The following CHLSN variants were observed in gnomAD, a reference collection of about 807,000 sequenced individuals.
CHLSN encodes the protein protein cholesin.
the CHLSN span, among the ~76,000 whole-genome samples, chr7:1,027,185 A>G: frequency 6.6e-6 from 1 of 152,278 alleles, no homozygotes; most frequent in Non-Finnish European, 1.5e-5. Context: ...CTGGGAACTA[A>G]GTACGGGTTA....
At chr7:1,052,950 T>C in the CHLSN span, among the ~76,000 whole-genome samples, 2 of 152,182 alleles carry the variant, frequency 1.3e-5, no homozygotes, top group Non-Finnish European at 2.9e-5. The surrounding 1 kb of genome is among the most constrained non-coding windows in gnomAD (Gnocchi z 4.2). Flanking sequence ...AAGAGGCTCA[T>C]CTGGGCTTTC....
chr7:997,875 C>CTT, the CHLSN span: 2 of 1,424,842 alleles, frequency 1.4e-6, no homozygotes, highest in Non-Finnish European at 1.9e-6. Flanking sequence ...GGAGACAAGA[C>CTT]GCTGCAGCCA....
At chr7:1,020,850 C>T in the CHLSN span, among the ~76,000 whole-genome samples, 23,881 of 152,176 alleles carry the variant, frequency 0.16, 2,047 homozygotes, top group Admixed American at 0.22. Flanking sequence ...CAGGACCCCT[C>T]GACTTTCTTG....
At chr7:1,101,680 G>A in the CHLSN span, among the ~76,000 whole-genome samples, 1 of 152,220 alleles carries the variant, frequency 6.6e-6, no homozygotes, top group Non-Finnish European at 1.5e-5. Context: ...CCCACGGCGT[G>A]CCTCCTGAGA....
the CHLSN span, chr7:1,028,754 C>A: frequency 3.8e-6 from 3 of 783,192 alleles, no homozygotes; most frequent in Non-Finnish European, 4.6e-6. Flanking sequence ...CTCCCCCAGT[C>A]TGTCCCCATC....
the CHLSN span, chr7:1,023,076 G>A: frequency 9.3e-6 from 4 of 428,070 alleles, no homozygotes; most frequent in Middle Eastern, 6.2e-4. This position sits in a 1 kb window ranked among gnomAD's most constrained non-coding sequence, Gnocchi z 5.0. Context: ...AGCATGGGAC[G>A]CTTCCTGCCA....
the CHLSN span, among the ~76,000 whole-genome samples, chr7:984,115 G>T: frequency 6.6e-6 from 1 of 152,224 alleles, no homozygotes; most frequent in Non-Finnish European, 1.5e-5. Context: ...CAGACAGCCA[G>T]CCCCCGACCT....
the CHLSN span, chr7:1,028,417 G>C: frequency 2.0e-6 from 2 of 985,982 alleles, no homozygotes; most frequent in East Asian, 1.1e-4. Flanking sequence ...CAGCCGGCTG[G>C]ACCGTGACGC....
chr7:1,018,300 C>T, the CHLSN span, among the ~76,000 whole-genome samples: 2 of 152,076 alleles, frequency 1.3e-5, no homozygotes, highest in East Asian at 1.9e-4. Flanking sequence ...AAGTGACTAA[C>T]GAAAGCACGT....
At chr7:1,103,027 G>A in the CHLSN span, among the ~76,000 whole-genome samples, 15 of 152,196 alleles carry the variant, frequency 9.9e-5, no homozygotes, top group Non-Finnish European at 1.2e-4. Context: ...CCCGTGACAC[G>A]GAGCCCACCA....
chr7:1,005,378 G>T, the CHLSN span, among the ~76,000 whole-genome samples: 4 of 152,248 alleles, frequency 2.6e-5, no homozygotes, highest in Non-Finnish European at 4.4e-5. Context: ...TATTGAGACA[G>T]CATCTGAAGC....
chr7:1,091,341 A>T, the CHLSN span: 19 of 181,674 alleles, frequency 1.0e-4, no homozygotes, highest in African/African-American at 4.0e-4. Flanking sequence ...CGGCCAGGGG[A>T]GCCAGGCCTT....
the CHLSN span, among the ~76,000 whole-genome samples, chr7:1,076,568 T>C: frequency 6.6e-6 from 1 of 152,224 alleles, no homozygotes; most frequent in Non-Finnish European, 1.5e-5. Flanking sequence ...GCAAGCGTCA[T>C]GCACAGGGCA....
the CHLSN span, chr7:988,333 G>A: frequency 6.8e-6 from 11 of 1,612,004 alleles, no homozygotes; most frequent in Non-Finnish European, 9.3e-6. Flanking sequence ...CACAGTGGCA[G>A]ACCCCAGGCC....
At chr7:1,096,776 G>A in the CHLSN span, among the ~76,000 whole-genome samples, 1 of 152,324 alleles carries the variant, frequency 6.6e-6, no homozygotes, top group South Asian at 2.1e-4. This position sits in a 1 kb window ranked among gnomAD's most constrained non-coding sequence, Gnocchi z 4.6. Flanking sequence ...AGAGTGACAC[G>A]GCTTACCCGC....
chr7:1,111,631 C>A, the CHLSN span, among the ~76,000 whole-genome samples: 6 of 152,124 alleles, frequency 3.9e-5, no homozygotes, highest in African/African-American at 7.2e-5. Flanking sequence ...GAGACTCTGT[C>A]CCTACAAAAA....
chr7:984,947 C>T, the CHLSN span: 4 of 1,595,678 alleles, frequency 2.5e-6, no homozygotes, highest in African/African-American at 4.0e-5. Flanking sequence ...TATCTGCCTA[C>T]AGGCATCTTC....
At chr7:1,009,050 T>TAC in the CHLSN span, among the ~76,000 whole-genome samples, 261 of 144,438 alleles carry the variant, frequency 1.8e-3, no homozygotes, top group African/African-American at 6.5e-3. Flanking sequence ...TGCACACACG[T>TAC]ACACGTGCAC....
the CHLSN span, among the ~76,000 whole-genome samples, chr7:990,980 G>T: frequency 2.0e-5 from 3 of 151,878 alleles, no homozygotes; most frequent in African/African-American, 7.3e-5. Flanking sequence ...GGGGACCCTT[G>T]TGCCCCCAAC....
Sources: gnomAD v4.1 joint callset for allele counts (sites outside exome capture counted in the v4.1 genomes callset) on GRCh38, gnomAD v4.1.1 for gene constraint, Gnocchi (gnomAD v3.1) non-coding constraint, MANE v1.5 for transcripts, NCBI Gene and HGNC (gene_info 2026-07-23, HGNC 2026-07-21) for gene names.